Variants in C3orf20 observed in about 807,000 individuals in gnomAD.
C3orf20 encodes uncharacterized protein C3orf20.
C3orf20 carries 76 observed loss-of-function variants against 88.3 expected under a neutral mutation model. That is an observed-to-expected ratio of 0.86 (90% CI 0.72 to 1.04). The LOEUF is 1.04. Among genes scored for constraint, C3orf20 ranks in the 50% least tolerant of loss-of-function variants. The probability of loss-of-function intolerance (pLI) is 0.00; values close to 1 mark genes in which losing one functional copy is unlikely to be tolerated. For missense variants in C3orf20, 1,056 were observed against 1,123.3 expected, an observed-to-expected ratio of 0.94 and a Z score of 0.86; for synonymous variants, 436 against 437.4, an observed-to-expected ratio of 1.00 and a Z score of 0.04.
chr3:14,718,825 C>T (rs1408629022), intron 9 of C3orf20, among the ~76,000 whole-genome samples: 1 of 152,252 alleles, frequency 6.6e-6, no homozygotes, highest in Non-Finnish European at 1.5e-5. Flanking sequence ...GTCTTCCCTG[C>T]TCAAGGATGG....
In C3orf20 at chr3:14,757,592, A is replaced by G. The variant is rs2035414225; in HGVS notation, c.2162A>G (p.Tyr721Cys). 1 of 1,613,962 alleles carries G rather than the reference A, an allele frequency of 6.2e-7. No individual in the cohort carries two copies. The highest frequency in any genetic ancestry group is 2.2e-5 in the East Asian group (1 of 44,858). Residue 721 changes from tyrosine to cysteine, a missense_variant, in exon 13 of 17, where the codon TAC becomes TGC. Transcript: ENST00000253697. ...LVFGIISSQN[Y>C]TSTGQLQWLL... is the part of the protein sequence containing the mutation. ...TTTGGGATCATCTCAAGCCAGAACTACACCAGCACTGGGCAGCTCCAGTGG... is the reference window on the plus strand; with the variant it reads ...TTTGGGATCATCTCAAGCCAGAACTGCACCAGCACTGGGCAGCTCCAGTGG...
At chr3:14,752,804 G>A (rs1432251177) in intron 12 of C3orf20, among the ~76,000 whole-genome samples, 1 of 152,210 alleles carries the variant, frequency 6.6e-6, no homozygotes, top group Non-Finnish European at 1.5e-5. Flanking sequence ...TCTCACGCCA[G>A]TTAGAATGGT....
chr3:14,677,687 G>A (rs183684320), intron 1 of C3orf20, among the ~76,000 whole-genome samples: 2 of 152,160 alleles, frequency 1.3e-5, no homozygotes, highest in East Asian at 3.9e-4. Flanking sequence ...TTTTACTGGA[G>A]ACGGGGTTTC....
At chr3:14,736,055 A>G (rs1453763723) in intron 12 of C3orf20, among the ~76,000 whole-genome samples, 1 of 152,092 alleles carries the variant, frequency 6.6e-6, no homozygotes, top group Non-Finnish European at 1.5e-5. Context: ...TTTCATCCAA[A>G]TGTTTAAATA....
chr3:14,683,336 C>A, intron 3 of C3orf20, 139 bp downstream of exon 3: 1 of 1,075,562 alleles, frequency 9.3e-7, no homozygotes, highest in Non-Finnish European at 1.3e-6. Flanking sequence ...CTGGAATCAT[C>A]CTCTCACTCC....
At chr3:14,761,810 G>GT (rs1450445933) in intron 15 of C3orf20, among the ~76,000 whole-genome samples, 195 bp downstream of exon 15, 1 of 152,122 alleles carries the variant, frequency 6.6e-6, no homozygotes, top group Non-Finnish European at 1.5e-5. Context: ...GACTTTGCAG[G>GT]TGGGCAGGGG....
chr3:14,760,930 A>AT (rs895011996), intron 14 of C3orf20, among the ~76,000 whole-genome samples: 3 of 151,760 alleles, frequency 2.0e-5, no homozygotes, highest in East Asian at 3.9e-4. Context: ...AGTTATTTGT[A>AT]TTTTTTTGCC....
At chr3:14,714,180 C>T (rs1190366020) in intron 8 of C3orf20, 21 bp downstream of exon 8, 2 of 1,612,002 alleles carry the variant, frequency 1.2e-6, no homozygotes, top group Middle Eastern at 1.8e-4. Context: ...TGGGAGAGTA[C>T]TAGTCACACG....
chr3:14,706,256 C>T (rs2033499222), intron 7 of C3orf20, among the ~76,000 whole-genome samples: 1 of 152,120 alleles, frequency 6.6e-6, no homozygotes, highest in South Asian at 2.1e-4. Context: ...CTCTGCTCGG[C>T]CCTGCTTGCA....
chr3:14,727,106 G>A, intron 11 of C3orf20, 82 bp downstream of exon 11: 1 of 1,474,862 alleles, frequency 6.8e-7, no homozygotes, highest in East Asian at 2.3e-5. Flanking sequence ...TCAAGGGACA[G>A]ACCTTTACTT....
intron 12 of C3orf20, among the ~76,000 whole-genome samples, chr3:14,747,556 A>C (rs116485392): frequency 2.0e-5 from 3 of 152,332 alleles, no homozygotes; most frequent in Non-Finnish European, 4.4e-5. Context: ...ACAGATAGAA[A>C]ACAAAAACTT....
intron 11 of C3orf20, among the ~76,000 whole-genome samples, chr3:14,728,049 A>G (rs1005060899): frequency 6.6e-6 from 1 of 152,172 alleles, no homozygotes; most frequent in Non-Finnish European, 1.5e-5. Context: ...CAAAGAAAGT[A>G]GTTGGAATTG....
chr3:14,699,022 C>T (rs531934343), intron 5 of C3orf20, among the ~76,000 whole-genome samples: 33 of 152,216 alleles, frequency 2.2e-4, no homozygotes, highest in African/African-American at 7.5e-4. Flanking sequence ...CCCTCTTCCA[C>T]AGGCAGAGGA....
intron 4 of C3orf20, among the ~76,000 whole-genome samples, chr3:14,687,780 G>T (rs2032506802): frequency 6.6e-6 from 1 of 152,224 alleles, no homozygotes; most frequent in Admixed American, 6.5e-5. Flanking sequence ...GGGAGGCACA[G>T]TGGCTTCTGG....
intron 5 of C3orf20, among the ~76,000 whole-genome samples, chr3:14,693,666 T>C (rs1191271234): frequency 6.6e-6 from 1 of 152,210 alleles, no homozygotes; most frequent in Non-Finnish European, 1.5e-5. Flanking sequence ...TCCTTTCCAA[T>C]TTGGATGCCC....
chr3:14,714,329 C>T (rs986685005), intron 8 of C3orf20, among the ~76,000 whole-genome samples, 170 bp downstream of exon 8: 1 of 152,158 alleles, frequency 6.6e-6, no homozygotes, highest in Non-Finnish European at 1.5e-5. Context: ...GACATAGGAA[C>T]TTTAAGGCTC....
At chr3:14,708,948 A>G (rs1253302718) in intron 7 of C3orf20, among the ~76,000 whole-genome samples, 1 of 152,302 alleles carries the variant, frequency 6.6e-6, no homozygotes, top group Non-Finnish European at 1.5e-5. Flanking sequence ...CCGGCCAACA[A>G]TATTAATTCA....
chr3:14,711,193 C>T (rs770700897), intron 7 of C3orf20, among the ~76,000 whole-genome samples: 6 of 152,266 alleles, frequency 3.9e-5, no homozygotes, highest in African/African-American at 9.6e-5. Flanking sequence ...CTACTGCAAG[C>T]GGCCTAAGTC....
chr3:14,770,749 T>A (rs995419187), intron 15 of C3orf20, among the ~76,000 whole-genome samples: 1 of 152,176 alleles, frequency 6.6e-6, no homozygotes, highest in Non-Finnish European at 1.5e-5. Context: ...AGTGCATACA[T>A]GGGCCAGTCC....
Sources: gnomAD v4.1 joint callset for allele counts (sites outside exome capture counted in the v4.1 genomes callset) on GRCh38, gnomAD v4.1.1 for gene constraint, MANE v1.5 for transcripts, NCBI Gene and HGNC (gene_info 2026-07-23, HGNC 2026-07-21) for gene names.